Variants in NAALADL2 observed in about 807,000 individuals in gnomAD.
NAALADL2 encodes inactive N-acetylated-alpha-linked acidic dipeptidase-like protein 2.
A neutral mutation model predicts 87.2 loss-of-function variants in NAALADL2; 76 were observed. That is an observed-to-expected ratio of 0.87 (90% CI 0.72 to 1.05). The LOEUF (loss-of-function observed/expected upper bound fraction) is 1.05. NAALADL2 is among the 50% of genes least tolerant of loss of function. The pLI is 0.00. For synonymous variants in NAALADL2, 354 were observed against 331.0 expected (o/e 1.07, Z -0.75); for missense variants, 1,089 against 945.8 (o/e 1.15, Z -1.99).
intron 3 of NAALADL2, among the ~76,000 whole-genome samples, chr3:174,853,769 T>C (rs986087745): frequency 2.0e-5 from 3 of 152,138 alleles, no homozygotes; most frequent in Admixed American, 2.0e-4. Flanking sequence ...CCAATAGGTA[T>C]ATGAAAAAAT....
intron 10 of NAALADL2, among the ~76,000 whole-genome samples, chr3:175,623,060 T>A (rs1471433725): frequency 6.6e-6 from 1 of 152,036 alleles, no homozygotes; most frequent in Non-Finnish European, 1.5e-5. Flanking sequence ...TAATTAAAAC[T>A]GACCTAAAAA....
chr3:174,572,018 G>A (rs931655387), intron 2 of NAALADL2, among the ~76,000 whole-genome samples: 1 of 152,200 alleles, frequency 6.6e-6, no homozygotes, highest in African/African-American at 2.4e-5. Context: ...ACCGCAGGTA[G>A]AATAACCTTG....
At chr3:175,769,963 T>C (rs1749261714) in intron 13 of NAALADL2, among the ~76,000 whole-genome samples, 1 of 144,934 alleles carries the variant, frequency 6.9e-6, no homozygotes, top group Admixed American at 6.8e-5. Flanking sequence ...ATTTTTTTTT[T>C]CTTGTTCAGG....
intron 9 of NAALADL2, among the ~76,000 whole-genome samples, chr3:175,505,223 C>A (rs138368032): frequency 9.4e-4 from 143 of 151,470 alleles, no homozygotes; most frequent in African/African-American, 3.1e-3. Flanking sequence ...TATGATCCTG[C>A]CACTGCATCC....
intron 2 of NAALADL2, among the ~76,000 whole-genome samples, chr3:175,209,467 ACTTTT>A (rs1310041446): frequency 6.6e-6 from 1 of 151,994 alleles, no homozygotes; most frequent in Non-Finnish European, 1.5e-5. Context: ...GAAAATGGCC[ACTTTT>A]CTTTTTAAAA....
intron 2 of NAALADL2, among the ~76,000 whole-genome samples, chr3:175,098,644 C>G (rs1721576369): frequency 1.3e-5 from 2 of 152,186 alleles, no homozygotes; most frequent in South Asian, 2.1e-4. Flanking sequence ...TGACTTACAA[C>G]CTGAGAAACT....
At chr3:175,360,818 G>A (rs1234950285) in intron 5 of NAALADL2, among the ~76,000 whole-genome samples, 2 of 101,796 alleles carry the variant, frequency 2.0e-5, no homozygotes, top group African/African-American at 8.4e-5. Context: ...CACTGTGTGT[G>A]TGTGTGTATG....
At chr3:175,783,204 C>T (rs1340464421) in intron 13 of NAALADL2, among the ~76,000 whole-genome samples, 4 of 152,174 alleles carry the variant, frequency 2.6e-5, no homozygotes, top group African/African-American at 9.6e-5. Context: ...TTTTTGGTTC[C>T]ATAAGAACTT....
chr3:175,548,607 T>C (rs1042731175), intron 9 of NAALADL2, among the ~76,000 whole-genome samples: 2 of 152,014 alleles, frequency 1.3e-5, no homozygotes, highest in African/African-American at 2.4e-5. Context: ...TTGAGTGACA[T>C]GGTAAATTGT....
chr3:175,046,778 T>C (rs1029385523), intron 1 of NAALADL2, among the ~76,000 whole-genome samples: 6 of 152,174 alleles, frequency 3.9e-5, no homozygotes, highest in Non-Finnish European at 7.4e-5. Context: ...GTTTTCATCA[T>C]CTTCTTCCCA....
chr3:174,619,928 T>G (rs572234376), intron 2 of NAALADL2, among the ~76,000 whole-genome samples: 4 of 152,012 alleles, frequency 2.6e-5, no homozygotes, highest in Non-Finnish European at 5.9e-5. Flanking sequence ...ACATGCATTT[T>G]TCATTTAATT....
intron 1 of NAALADL2, among the ~76,000 whole-genome samples, chr3:174,897,327 A>G (rs933274512): frequency 6.6e-6 from 1 of 151,488 alleles, no homozygotes; most frequent in Non-Finnish European, 1.5e-5. Flanking sequence ...TAGGAAAAAA[A>G]TAAAATAATC....
chr3:175,461,671 CT>C (rs1247155942), intron 6 of NAALADL2, among the ~76,000 whole-genome samples: 2 of 151,338 alleles, frequency 1.3e-5, no homozygotes, highest in African/African-American at 4.9e-5. Context: ...TCGCTGCTAA[CT>C]TAGACAAAAA....
intron 1 of NAALADL2, among the ~76,000 whole-genome samples, chr3:175,025,052 T>C (rs907742440): frequency 3.3e-5 from 5 of 152,168 alleles, no homozygotes; most frequent in African/African-American, 1.2e-4. Context: ...ATATCAAAAA[T>C]TGAACTTGAA....
intron 1 of NAALADL2, among the ~76,000 whole-genome samples, chr3:174,867,344 A>G (rs530809380): frequency 1.3e-5 from 2 of 151,884 alleles, no homozygotes; most frequent in Admixed American, 6.6e-5. Context: ...CTTCTTGTCA[A>G]TCAGTTATCA....
At chr3:175,311,428 G>A (rs900757956) in intron 4 of NAALADL2, among the ~76,000 whole-genome samples, 2 of 152,030 alleles carry the variant, frequency 1.3e-5, no homozygotes, top group Admixed American at 6.6e-5. Context: ...TTTCCAGTCC[G>A]AAATATATTA....
At chr3:175,440,364 G>A (rs1486245932) in intron 5 of NAALADL2, among the ~76,000 whole-genome samples, 1 of 152,000 alleles carries the variant, frequency 6.6e-6, no homozygotes, top group Non-Finnish European at 1.5e-5. Flanking sequence ...CTTTGGCTAT[G>A]CAGGCTCTTT....
chr3:174,479,745 C>T (rs937813563), intron 1 of NAALADL2, among the ~76,000 whole-genome samples: 1 of 147,636 alleles, frequency 6.8e-6, no homozygotes, highest in Admixed American at 6.8e-5. Flanking sequence ...CATTAACTGC[C>T]TACTATGTGT....
At position 174,946,937 on chromosome 3, in the gene NAALADL2, G is replaced by A. The variant is rs557714050; in HGVS notation, c.43+87487G>A. 2.6e-5 allele frequency among the ~76,000 whole-genome samples: 4 copies of A among 152,192 alleles called. No homozygotes were observed. The East Asian group carries it at 7.7e-4, about 29-fold the overall frequency. On this transcript the variant is annotated intron_variant, in intron 1 of 13. Coordinates refer to ENST00000454872, the MANE Select transcript of NAALADL2 (RefSeq NM_207015.3). The stretch of plus-strand genomic sequence containing the variant: ...TTTCTTAGGCAGTTGCTTTGCTACT[G>A]TAGCTCACAGACTTAATAAAGGAAT...
Sources: allele counts gnomAD v4.1 joint callset (sites outside exome capture counted in the v4.1 genomes callset), GRCh38; gene constraint gnomAD v4.1.1; transcripts MANE v1.5; gene names NCBI Gene and HGNC (gene_info 2026-07-23, HGNC 2026-07-21).